The following RPS6KA1 variants were observed in gnomAD, a reference collection of about 807,000 sequenced individuals.
The protein encoded by RPS6KA1 is ribosomal protein S6 kinase A1, also known as ribosomal protein S6 kinase alpha-1.
Under a neutral mutation model 91.3 loss-of-function variants are expected in RPS6KA1, and 48 were observed. The observed-to-expected ratio is 0.53, with a 90% CI of 0.42 to 0.67. RPS6KA1 has a LOEUF of 0.67. Ranked by LOEUF, RPS6KA1 falls within the 30% of genes least tolerant of loss-of-function variation. The pLI is 0.00. For synonymous variants in RPS6KA1, 359 were observed against 384.7 expected (o/e 0.93, Z 0.78); for missense variants, 719 against 960.5 (o/e 0.75, Z 3.32).
chr1:26,530,486 C>T (rs573890888), intron 1 of RPS6KA1, among the ~76,000 whole-genome samples: 2 of 152,228 alleles, frequency 1.3e-5, no homozygotes, highest in Admixed American at 1.3e-4. Context: ...ATGGCACCAC[C>T]CGTCTGGGGC....
Position 26,554,778 on chromosome 1 carries a change from T to C in RPS6KA1, c.756+40T>C. 1.9e-6 allele frequency: 3 copies of C among 1,565,596 alleles called. No homozygotes were observed. Among genetic ancestry groups the C allele is most frequent in the Middle Eastern group, 1.7e-4 (1 of 5,824 alleles). ...AGGGGTAAAGGATCCAGCCCAAGCC[T>C]CTGGCCTCAGTCTCCCTATCTGTAC... is the stretch of plus-strand genomic sequence containing the variant. On this transcript the variant is annotated intron_variant, in intron 9 of 21. Transcript: ENST00000374168. The surrounding 1 kb of genome is among the most constrained non-coding windows in gnomAD (Gnocchi z 4.6).
chr1:26,574,032 G>T lies in RPS6KA1; in HGVS notation c.2086-47G>T. 6.3e-7 allele frequency: 1 copy of T among 1,592,206 alleles called. No individual in the cohort carries two copies. The highest frequency in any genetic ancestry group is 8.6e-7 in the Non-Finnish European group (1 of 1,164,102). On this transcript the variant is annotated intron_variant, in intron 21 of 21. Transcript: ENST00000374168. This position sits in a 1 kb window ranked among gnomAD's most constrained non-coding sequence, Gnocchi z 4.3. ...CCCTTGGGGCATGGATCCCCTCCCCGCTACATCTCCCACCATTGTGACCTG... is the reference window on the plus strand; with the variant it reads ...CCCTTGGGGCATGGATCCCCTCCCCTCTACATCTCCCACCATTGTGACCTG...
In RPS6KA1 at chr1:26,571,810, G is replaced by A; in HGVS notation, c.1753-39G>A. On this transcript the variant is annotated intron_variant, in intron 18 of 21. Transcript: ENST00000374168. This position sits in a 1 kb window ranked among gnomAD's most constrained non-coding sequence, Gnocchi z 5.1. Reference sequence around the variant, plus strand: ...GAAACATCTGTGGCGACTTTCTACTGCCCCCCCAGACTGACCACCTCCCCT... The same window carrying A: ...GAAACATCTGTGGCGACTTTCTACTACCCCCCCAGACTGACCACCTCCCCT... The A allele has an allele frequency of 1.3e-6, 2 of 1,586,212 alleles. No homozygotes were observed. Among genetic ancestry groups the A allele is most frequent in the East Asian group, 2.3e-5 (1 of 44,300 alleles).
chr1:26,555,539 C>G lies in RPS6KA1; in HGVS notation c.830C>G (p.Ala277Gly), dbSNP rs760897855. The change falls in exon 11 of 22, where the codon GCG becomes GGG. Residue 277 changes from alanine to glycine, a missense_variant and splice_region_variant. Transcript: ENST00000374168. The surrounding 1 kb of genome is among the most constrained non-coding windows in gnomAD (Gnocchi z 4.3). ...ATGAGTCCCGGGGGCTGTTTCAGGG[C>G]GAAGCTAGGCATGCCCCAGTTTCTG... ...RKETMTLILK[A>G]KLGMPQFLST... 1.9e-6 allele frequency: 3 copies of G among 1,587,430 alleles called. No individual in the cohort carries two copies. The highest frequency in any genetic ancestry group is 1.7e-6 in the Non-Finnish European group (2 of 1,165,732).
chr1:26,554,819 C>A lies in RPS6KA1; in HGVS notation c.756+81C>A. ...CTATCTGTACAGTGAGGGGGTTGAT[C>A]ATTTCTAGGGCTCTCCCCGTCTCCT... is the stretch of plus-strand genomic sequence containing the variant. On this transcript the variant is annotated intron_variant, in intron 9 of 21. Transcript: ENST00000374168. This position sits in a 1 kb window ranked among gnomAD's most constrained non-coding sequence, Gnocchi z 4.6. 5 of 1,494,330 alleles carry A rather than the reference C, an allele frequency of 3.3e-6. No individual in the cohort carries two copies. In the South Asian group the frequency reaches 5.2e-5, roughly 16 times the overall value. 92.6% of individuals were successfully genotyped at this position (1,494,330 alleles called of 1,614,324 possible).
At chr1:26,539,957 G>A (rs1013032764) in intron 2 of RPS6KA1, among the ~76,000 whole-genome samples, 5 of 152,130 alleles carry the variant, frequency 3.3e-5, no homozygotes, top group Non-Finnish European at 7.4e-5. Context: ...GATCCCTCCC[G>A]GATCCCTCAT....
At chr1:26,567,553 G>A (rs1485911626) in intron 17 of RPS6KA1, among the ~76,000 whole-genome samples, 1 of 152,090 alleles carries the variant, frequency 6.6e-6, no homozygotes, top group Non-Finnish European at 1.5e-5. Flanking sequence ...GCTAACTTTT[G>A]TATTTTTAGT....
intron 2 of RPS6KA1, among the ~76,000 whole-genome samples, chr1:26,537,272 G>C (rs2075914121): frequency 6.6e-6 from 1 of 152,214 alleles, no homozygotes; most frequent in Non-Finnish European, 1.5e-5. Flanking sequence ...ATTTGGGCTG[G>C]CTCTAAGGAG....
chr1:26,572,016 C>G lies in RPS6KA1; in HGVS notation c.1829+91C>G. 3 of 1,411,734 alleles carry G rather than the reference C, an allele frequency of 2.1e-6. No homozygotes were observed. In the South Asian group the frequency reaches 3.5e-5, roughly 17 times the overall value. 87.5% of individuals were successfully genotyped at this position (1,411,734 alleles called of 1,614,324 possible). A position where few individuals can be genotyped will look rare whatever the true frequency, so the allele number is the denominator to read the frequency against. On this transcript the variant is annotated intron_variant, in intron 19 of 21. Transcript: ENST00000374168. Reference sequence around the variant, plus strand: ...TGTCTGATAGGAATGGCTCAGCCAGCCCCGCCCCAGGATGGTCTGGAAATA... The same window carrying G: ...TGTCTGATAGGAATGGCTCAGCCAGGCCCGCCCCAGGATGGTCTGGAAATA...
At chr1:26,532,428 C>T (rs2075874396) in intron 1 of RPS6KA1, among the ~76,000 whole-genome samples, 1 of 152,192 alleles carries the variant, frequency 6.6e-6, no homozygotes, top group Non-Finnish European at 1.5e-5. Flanking sequence ...ACCAAGATCT[C>T]TCTCTTCCAC....
chr1:26,545,009 C>T (rs2075979892), intron 2 of RPS6KA1, among the ~76,000 whole-genome samples: 1 of 151,782 alleles, frequency 6.6e-6, no homozygotes, highest in South Asian at 2.1e-4. Flanking sequence ...GATATGAGTC[C>T]CCTCCTGCTT....
Position 26,556,869 on chromosome 1 carries a change from T to C in RPS6KA1, c.982-129T>C, listed in dbSNP as rs929111989. The stretch of plus-strand genomic sequence containing the variant: ...CCCTTGAAGACAAGGGCTGGCCTCC[T>C]GAGGGCAAGCAATTCCGAGAGCTGG... On this transcript the variant is annotated intron_variant, in intron 12 of 21. Transcript: ENST00000374168. The C allele has an allele frequency of 3.4e-6, 4 of 1,186,716 alleles. No individual in the cohort carries two copies. In the African/African-American group the frequency reaches 6.0e-5, roughly 18 times the overall value. The allele number at this position is 1,186,716 out of a possible 1,614,324, so 73.5% of individuals were successfully genotyped here.
At chr1:26,537,731 G>A (rs1218599378) in intron 2 of RPS6KA1, among the ~76,000 whole-genome samples, 1 of 152,228 alleles carries the variant, frequency 6.6e-6, no homozygotes, top group Non-Finnish European at 1.5e-5. Flanking sequence ...CTTAGGCAGG[G>A]ACAGAGCATG....
intron 1 of RPS6KA1, among the ~76,000 whole-genome samples, chr1:26,532,442 G>C (rs1311248795): frequency 6.6e-6 from 1 of 152,184 alleles, no homozygotes; most frequent in Non-Finnish European, 1.5e-5. Context: ...CTTCCACCAA[G>C]TGGGAGAGAG....
Position 26,557,801 on chromosome 1 carries a change from CCCCTCCCCTT to C in RPS6KA1, c.1084+707_1084+716del, listed in dbSNP as rs1215607015. Among the ~76,000 whole-genome samples, 39 of 132,012 alleles carry C rather than the reference CCCCTCCCCTT, an allele frequency of 3.0e-4. 1 individual carries two copies. Among genetic ancestry groups the C allele is most frequent in the Non-Finnish European group, 2.6e-4 (16 of 61,658 alleles). The allele number at this position is 132,012 out of a possible 152,430, so 86.6% of individuals were successfully genotyped here. The stretch of plus-strand genomic sequence containing the variant: ...CTCCTCCCCTCCCCTCCCCTCCCCT[CCCCTCCCCTT>C]CCCTCTCCTTCCCTTCCCTCTCCTC... On this transcript the variant is annotated intron_variant, in intron 13 of 21. Transcript: ENST00000374168.
At position 26,555,498 on chromosome 1, in the gene RPS6KA1, G is replaced by T. The variant is rs1206325190; in HGVS notation, c.828-39G>T. On this transcript the variant is annotated intron_variant, in intron 10 of 21. Transcript: ENST00000374168. This position sits in a 1 kb window ranked among gnomAD's most constrained non-coding sequence, Gnocchi z 4.3. The stretch of plus-strand genomic sequence containing the variant: ...GGCCGGGGGAGATGGGGCCTCTGGG[G>T]CAGGGCTCAGCCTTGATGAGTCCCG... 9.1e-6 allele frequency: 14 copies of T among 1,542,716 alleles called. No individual in the cohort carries two copies. The highest frequency in any genetic ancestry group is 2.4e-5 in the South Asian group (2 of 84,482).
chr1:26,551,376 C>T lies in RPS6KA1; in HGVS notation c.308-21C>T, dbSNP rs902970309. 24 of 1,611,902 alleles carry T rather than the reference C, an allele frequency of 1.5e-5. No homozygotes were observed. Among genetic ancestry groups the T allele is most frequent in the Admixed American group, 3.3e-5 (2 of 59,976 alleles). On this transcript the variant is annotated intron_variant, in intron 4 of 21. Transcript: ENST00000374168. This position sits in a 1 kb window ranked among gnomAD's most constrained non-coding sequence, Gnocchi z 4.5. Reference sequence around the variant, plus strand: ...TGTTGAGTGTCTAGGCTACTGGTGACTTCCTTTCTCGTCTGGCCAGTACGT... The same window carrying T: ...TGTTGAGTGTCTAGGCTACTGGTGATTTCCTTTCTCGTCTGGCCAGTACGT...
Position 26,558,931 on chromosome 1 carries a change from G to C in RPS6KA1, c.1209G>C (p.Val403=). The C allele has an allele frequency of 6.2e-7, 1 of 1,611,598 alleles. No individual in the cohort carries two copies. The highest frequency in any genetic ancestry group is 8.5e-7 in the Non-Finnish European group (1 of 1,178,074). ...PRAPQAPLHS[V]VQQLHGKNLV... ...CCCCGCAGGCACCCCTGCACTCGGT[G>C]GTACAGGTGAGGGGGGCAGGGGGCT... The change falls in exon 14 of 22, where the codon GTG becomes GTC. Residue 403 remains valine (V), a synonymous_variant. Transcript: ENST00000374168. The surrounding 1 kb of genome is among the most constrained non-coding windows in gnomAD (Gnocchi z 4.0).
At position 26,551,813 on chromosome 1, in the gene RPS6KA1, G is replaced by T; in HGVS notation, c.468+90G>T. On this transcript the variant is annotated intron_variant, in intron 6 of 21. Coordinates refer to ENST00000374168, the MANE Select transcript of RPS6KA1 (RefSeq NM_002953.4). This position sits in a 1 kb window ranked among gnomAD's most constrained non-coding sequence, Gnocchi z 4.5. ...CCAGGGCCCTGTACAGAATGTGTTT[G>T]GTATGGCTTGAACCTGGAACCACCC... 8.3e-7 allele frequency: 1 copy of T among 1,209,934 alleles called. No homozygotes were observed. The highest frequency in any genetic ancestry group is 1.2e-6 in the Non-Finnish European group (1 of 822,354). 74.9% of individuals were successfully genotyped at this position (1,209,934 alleles called of 1,614,324 possible). A position where few individuals can be genotyped will look rare whatever the true frequency, so the allele number is the denominator to read the frequency against.
Sources: gnomAD v4.1 joint callset for allele counts (sites outside exome capture counted in the v4.1 genomes callset) on GRCh38, gnomAD v4.1.1 for gene constraint, Gnocchi (gnomAD v3.1) non-coding constraint, MANE v1.5 for transcripts, NCBI Gene and HGNC (gene_info 2026-07-23, HGNC 2026-07-21) for gene names.